Variants in SETD5 observed in about 807,000 individuals in gnomAD.
SETD5 encodes SET domain containing 5, also known as histone-lysine N-methyltransferase SETD5.
Under a neutral mutation model 153.3 loss-of-function variants are expected in SETD5, and 44 were observed. That is an observed-to-expected ratio of 0.29 (90% CI 0.23 to 0.37). The LOEUF is 0.37. SETD5 is among the 10% of genes least tolerant of loss of function. SETD5 has a pLI of 1.00. For missense variants in SETD5, 1,544 were observed against 1,768.0 expected, an observed-to-expected ratio of 0.87 and a Z score of 2.27; for synonymous variants, 716 against 645.2, an observed-to-expected ratio of 1.11 and a Z score of -1.66.
chr3:9,405,567 G>A (rs1036543252), intron 1 of SETD5, among the ~76,000 whole-genome samples: 2 of 151,906 alleles, frequency 1.3e-5, no homozygotes, highest in African/African-American at 2.4e-5. Flanking sequence ...TGAGATTTTC[G>A]CCACCCCACT....
At chr3:9,399,995 G>A (rs557927483) in intron 1 of SETD5, among the ~76,000 whole-genome samples, 8 of 152,312 alleles carry the variant, frequency 5.3e-5, no homozygotes, top group Admixed American at 5.2e-4. Context: ...TGTCTCCAGG[G>A]AAGGACAGCA....
chr3:9,457,990 A>G (rs2043469086), intron 17 of SETD5, among the ~76,000 whole-genome samples: 1 of 152,174 alleles, frequency 6.6e-6, no homozygotes, highest in South Asian at 2.1e-4. Flanking sequence ...AGCTTCTAGT[A>G]TGAAGCTAAT....
chr3:9,475,085 G>A lies in SETD5; in HGVS notation c.3649G>A (p.Gly1217Ser). Reference protein sequence around the residue: ...EKDSDPADGEGPETLSSALSK... With the variant: ...EKDSDPADGESPETLSSALSK... ...CCTTCCAGACCCTGCAGATGGAGAAGGCCCAGAGACATTAAGCTCAGCACT... is the reference window on the plus strand; with the variant it reads ...CCTTCCAGACCCTGCAGATGGAGAAAGCCCAGAGACATTAAGCTCAGCACT... Residue 1217 changes from glycine (G) to serine (S), a missense_variant, in exon 22 of 23, where the codon GGC (glycine) becomes AGC (serine). This residue lies in a region of SETD5 where 302 missense variants were observed against 277.6 expected (regional missense o/e 1.09). Coordinates refer to ENST00000402198, the MANE Select transcript of SETD5 (RefSeq NM_001080517.3). 6.3e-7 allele frequency: 1 copy of A among 1,587,124 alleles called. No individual in the cohort carries two copies. The highest frequency in any genetic ancestry group is 8.6e-7 in the Non-Finnish European group (1 of 1,166,952).
At chr3:9,412,934 G>T (rs1414445567) in intron 1 of SETD5, among the ~76,000 whole-genome samples, 1 of 151,304 alleles carries the variant, frequency 6.6e-6, no homozygotes, top group African/African-American at 2.4e-5. Flanking sequence ...TTGCTATGTT[G>T]CCCAGCTGGC....
intron 7 of SETD5, among the ~76,000 whole-genome samples, chr3:9,439,963 A>G (rs1454402965): frequency 6.6e-6 from 1 of 152,248 alleles, no homozygotes; most frequent in Non-Finnish European, 1.5e-5. Flanking sequence ...TATGAAAATA[A>G]TAAGTGATAC....
chr3:9,470,967 A>G (rs1049119699), intron 19 of SETD5, 38 bp downstream of exon 19: 2 of 1,105,776 alleles, frequency 1.8e-6, no homozygotes, highest in African/African-American at 3.2e-5. Flanking sequence ...CTTTTCAAGA[A>G]TGTTAACCAA....
rs560753154 is a variant in SETD5, at chr3:9,449,291, T to G, written c.2346+661T>G. On this transcript the variant is annotated intron_variant, in intron 16 of 22. Transcript: ENST00000402198. ...CTAGTGGCAGTAGCGTTTGGTGGTG[T>G]TTTTGGAATGCTCTTTCTTAATTCC... is the stretch of plus-strand genomic sequence containing the variant. Among the ~76,000 whole-genome samples the G allele has an allele frequency of 5.3e-5, 8 of 152,242 alleles. No individual in the cohort carries two copies. In the South Asian group the frequency reaches 1.5e-3, roughly 28 times the overall value.
intron 1 of SETD5, among the ~76,000 whole-genome samples, chr3:9,422,117 G>A: frequency 6.6e-6 from 1 of 152,148 alleles, no homozygotes; most frequent in African/African-American, 2.4e-5. Flanking sequence ...CCAGGCCTAG[G>A]AGATGAGGAT....
Position 9,451,814 on chromosome 3 carries a change from T to C in SETD5, c.2347-1925T>C, listed in dbSNP as rs533415518. ...GTATTGCTTCCTTGCTCTTTCGCCA[T>C]AATAGCGAGACCTTTAAAATATTTA... On this transcript the variant is annotated intron_variant, in intron 16 of 22. Coordinates refer to ENST00000402198, the MANE Select transcript of SETD5 (RefSeq NM_001080517.3). Among the ~76,000 whole-genome samples the C allele has an allele frequency of 1.2e-4, 18 of 152,310 alleles. No homozygotes were observed. The South Asian group carries it at 1.9e-3, about 16-fold the overall frequency.
chr3:9,467,048 C>G (rs75522488), intron 18 of SETD5, among the ~76,000 whole-genome samples: 1 of 151,030 alleles, frequency 6.6e-6, no homozygotes, highest in Admixed American at 6.6e-5. Flanking sequence ...TAAAGACCAG[C>G]TTAGGCCAGG....
intron 22 of SETD5, 140 bp downstream of exon 22, chr3:9,475,296 T>C: frequency 8.8e-7 from 1 of 1,131,518 alleles, no homozygotes; most frequent in Non-Finnish European, 1.2e-6. Flanking sequence ...CTGCTTGTCC[T>C]CAGGTAATAA....
chr3:9,443,220 C>T (rs183991797), intron 10 of SETD5, 88 bp from the exon 11 acceptor site: 2 of 931,876 alleles, frequency 2.1e-6, no homozygotes, highest in East Asian at 2.7e-5. Context: ...TACCATAACT[C>T]CAAATGGAGA....
chr3:9,451,477 C>G (rs1434522956), intron 16 of SETD5, among the ~76,000 whole-genome samples: 2 of 152,168 alleles, frequency 1.3e-5, no homozygotes, highest in African/African-American at 4.8e-5. Flanking sequence ...TTCACAGGGT[C>G]TCACTGTTGT....
intron 2 of SETD5, among the ~76,000 whole-genome samples, chr3:9,426,888 A>G (rs911624799): frequency 2.0e-5 from 3 of 152,146 alleles, no homozygotes; most frequent in East Asian, 3.9e-4. Flanking sequence ...GTGTAGGAAC[A>G]GGCGTATTGT....
chr3:9,468,161 CAA>C (rs1431145302), intron 18 of SETD5, among the ~76,000 whole-genome samples: 5 of 151,598 alleles, frequency 3.3e-5, no homozygotes, highest in Non-Finnish European at 7.4e-5. Flanking sequence ...GGGTGCCCCT[CAA>C]TAACAAATAC....
chr3:9,405,053 T>C (rs1235218003), intron 1 of SETD5, among the ~76,000 whole-genome samples: 1 of 152,218 alleles, frequency 6.6e-6, no homozygotes, highest in Non-Finnish European at 1.5e-5. Context: ...GTTGTGGGCT[T>C]GTTTATATGT....
At chr3:9,431,779 A>C in intron 3 of SETD5, 10 of 944,616 alleles carry the variant, frequency 1.1e-5, no homozygotes, top group African/African-American at 1.8e-5. Context: ...GCATAGCTCC[A>C]TCTCCATGGC....
At chr3:9,433,069 C>A (rs1474731131) in intron 3 of SETD5, among the ~76,000 whole-genome samples, 2 of 152,150 alleles carry the variant, frequency 1.3e-5, no homozygotes, top group African/African-American at 2.4e-5. Flanking sequence ...TTAGTGGTTG[C>A]TGAAATTAAA....
chr3:9,443,166 G>C, intron 10 of SETD5, 142 bp from the exon 11 acceptor site: 1 of 634,182 alleles, frequency 1.6e-6, no homozygotes. Context: ...GAAATGAAGG[G>C]GTTAAATAAC....
Sources: gnomAD v4.1 joint callset for allele counts (sites outside exome capture counted in the v4.1 genomes callset) on GRCh38, gnomAD v4.1.1 for gene constraint, gnomAD v4.1.1 regional missense constraint, MANE v1.5 for transcripts, NCBI Gene and HGNC (gene_info 2026-07-23, HGNC 2026-07-21) for gene names.